ABCA12: variants seen among roughly 807,000 people sequenced by gnomAD.
ABCA12 encodes glucosylceramide transporter ABCA12.
Under a neutral mutation model 293.5 loss-of-function variants are expected in ABCA12, and 156 were observed. That is an observed-to-expected ratio of 0.53 (90% CI 0.47 to 0.61). The LOEUF is 0.61. Ranked by LOEUF, ABCA12 falls within the 20% of genes least tolerant of loss-of-function variation. The probability of loss-of-function intolerance (pLI) is 0.00; values close to 1 mark genes in which losing one functional copy is unlikely to be tolerated. For missense variants in ABCA12, 2,797 were observed against 3,090.2 expected (o/e 0.91, Z 2.25); for synonymous variants, 1,063 against 1,108.0 (o/e 0.96, Z 0.81).
chr2:214,944,471 G>T (rs1698512846), intron 49 of ABCA12, among the ~76,000 whole-genome samples: 1 of 151,684 alleles, frequency 6.6e-6, no homozygotes, highest in Admixed American at 6.6e-5. Flanking sequence ...CCAAAGAAGG[G>T]GCTTGGAGAT....
intron 2 of ABCA12, among the ~76,000 whole-genome samples, chr2:215,109,016 G>A (rs907211812): frequency 1.3e-4 from 20 of 151,520 alleles, no homozygotes; most frequent in Admixed American, 9.2e-4. Context: ...GCAGCGAGCC[G>A]AGATCGCACC....
rs976863339 is a variant in ABCA12 at position 215,021,922 on chromosome 2, A to C, written c.1288-2126T>G. The stretch of plus-strand genomic sequence containing the variant: ...GTTTATATGTACAAAAATTCTACTT[A>C]CTAGTGTTATTGCTATGAGAGATTT... On this transcript the variant is annotated intron_variant, in intron 11 of 52. Transcript: ENST00000272895. 3 of 152,154 alleles carry C rather than the reference A, an allele frequency of 2.0e-5. No individual in the cohort carries two copies. The East Asian group carries it at 5.8e-4, about 29-fold the overall frequency. 9.4% of individuals were successfully genotyped at this position (152,154 alleles called of 1,614,324 possible).
At chr2:215,059,524 T>C (rs904786724) in intron 3 of ABCA12, among the ~76,000 whole-genome samples, 1 of 152,042 alleles carries the variant, frequency 6.6e-6, no homozygotes, top group Admixed American at 6.6e-5. Context: ...AACATTAAGA[T>C]TTAGAAATGA....
rs1163927975 is a variant in ABCA12 at position 214,958,474 on chromosome 2, G to A, written c.5940-20C>T. 1.9e-6 allele frequency: 3 copies of A among 1,612,834 alleles called. No homozygotes were observed. The highest frequency in any genetic ancestry group is 2.2e-5 in the South Asian group (2 of 91,030). On this transcript the variant is annotated intron_variant, in intron 40 of 52. Coordinates refer to ENST00000272895, the MANE Select transcript of ABCA12 (RefSeq NM_173076.3). ...CTGATTCTAGAGTGAGCAATAGGGA[G>A]AGGAAAACACACATAAGTTTTTGAA... is the stretch of plus-strand genomic sequence containing the variant.
At chr2:214,932,778 G>A (rs112144749) in intron 52 of ABCA12, 37 bp from the exon 53 acceptor site, 3 of 1,437,168 alleles carry the variant, frequency 2.1e-6, no homozygotes, top group South Asian at 1.1e-5. Flanking sequence ...TTAATGCCTG[G>A]TAAGCCAAAG....
At chr2:214,944,415 A>C (rs80207521) in intron 49 of ABCA12, among the ~76,000 whole-genome samples, 1 of 131,132 alleles carries the variant, frequency 7.6e-6, no homozygotes, top group South Asian at 2.7e-4. Context: ...CTGTCTAAAT[A>C]AAAAAAATTA....
rs759274653 is a variant in ABCA12, at chr2:214,978,507, G to A, written c.4978-41C>T. On this transcript the variant is annotated intron_variant, in intron 32 of 52. Coordinates refer to ENST00000272895, the MANE Select transcript of ABCA12 (RefSeq NM_173076.3). ...AGATCACTTCATTAACATGAAAAGT[G>A]CATGTCTTTTCTCATTTCTAAGCTT... 10 of 1,598,696 alleles carry A rather than the reference G, an allele frequency of 6.3e-6. No homozygotes were observed. The African/African-American group carries it at 1.2e-4, about 19-fold the overall frequency.
intron 1 of ABCA12, among the ~76,000 whole-genome samples, chr2:215,134,376 A>G (rs1230148691): frequency 2.2e-5 from 3 of 136,634 alleles, no homozygotes; most frequent in East Asian, 2.0e-4. Context: ...GTATATATGT[A>G]TATATGTACA....
At chr2:215,117,824 A>G (rs1308843090) in intron 1 of ABCA12, among the ~76,000 whole-genome samples, 1 of 152,232 alleles carries the variant, frequency 6.6e-6, no homozygotes, top group Non-Finnish European at 1.5e-5. Flanking sequence ...TAATTACTAC[A>G]TCTTATTATC....
chr2:215,026,979 A>T (rs1276770938), intron 9 of ABCA12, 41 bp from the exon 10 acceptor site: 1 of 1,384,054 alleles, frequency 7.2e-7, no homozygotes, highest in Admixed American at 1.7e-5. Flanking sequence ...AGACATATAA[A>T]AGTAAAGCAA....
At chr2:215,091,798 C>A (rs886171993) in intron 2 of ABCA12, among the ~76,000 whole-genome samples, 1 of 152,240 alleles carries the variant, frequency 6.6e-6, no homozygotes, top group East Asian at 1.9e-4. Context: ...CACACAAGAA[C>A]TTCAAAATGC....
intron 19 of ABCA12, among the ~76,000 whole-genome samples, chr2:215,005,815 C>T (rs891348783): frequency 6.6e-6 from 1 of 152,272 alleles, no homozygotes; most frequent in Non-Finnish European, 1.5e-5. Context: ...AGCAAAATTG[C>T]GTTTGTATCA....
intron 23 of ABCA12, among the ~76,000 whole-genome samples, chr2:214,991,884 G>A (rs753985836): frequency 1.9e-4 from 29 of 152,212 alleles, no homozygotes; most frequent in Admixed American, 3.9e-4. Flanking sequence ...GGCCTGTCGG[G>A]GGATGGAGGG....
chr2:215,138,539 C>G lies in ABCA12; in HGVS notation c.-331G>C. Reference sequence around the variant, plus strand: ...TCCAGACTCAAGAGAGAATGAGCATCATTCAGATAATGCCTCACTGAAAAA... The same window carrying G: ...TCCAGACTCAAGAGAGAATGAGCATGATTCAGATAATGCCTCACTGAAAAA... On this transcript the variant is annotated 5_prime_UTR_variant, in exon 1 of 53. The change abolishes an upstream ATG in the 5' untranslated region. Coordinates refer to ENST00000272895, the MANE Select transcript of ABCA12 (RefSeq NM_173076.3). 1 of 325,086 alleles carries G rather than the reference C, an allele frequency of 3.1e-6. No individual in the cohort carries two copies. The highest frequency in any genetic ancestry group is 5.9e-6 in the Non-Finnish European group (1 of 168,436). The allele number at this position is 325,086 out of a possible 1,614,324, so 20.1% of individuals were successfully genotyped here.
intron 5 of ABCA12, among the ~76,000 whole-genome samples, chr2:215,050,993 C>T (rs1200012220): frequency 1.3e-5 from 2 of 152,100 alleles, no homozygotes; most frequent in Non-Finnish European, 2.9e-5. Context: ...GGATATATAG[C>T]TCTGTGCTGC....
In ABCA12 at chr2:214,974,665, A is replaced by C. The variant is rs138764554; in HGVS notation, c.5468+113T>G. On this transcript the variant is annotated intron_variant, in intron 35 of 52. Transcript: ENST00000272895. Reference sequence around the variant, plus strand: ...CAAAATCTGTTAAACAGGGATTTCTATCAGGGTACAGCTTTCTTCCAGGCA... The same window carrying C: ...CAAAATCTGTTAAACAGGGATTTCTCTCAGGGTACAGCTTTCTTCCAGGCA... 640 of 1,002,550 alleles carry C rather than the reference A, an allele frequency of 6.4e-4. 5 individuals carry two copies. In the East Asian group the frequency reaches 0.014, roughly 22 times the overall value. 62.1% of individuals were successfully genotyped at this position (1,002,550 alleles called of 1,614,324 possible). A position where few individuals can be genotyped will look rare whatever the true frequency, so the allele number is the denominator to read the frequency against.
chr2:215,001,617 GT>G lies in ABCA12; in HGVS notation c.2803del (p.Thr935ProfsTer2), dbSNP rs779953672. 2 of 1,613,662 alleles carry G rather than the reference GT, an allele frequency of 1.2e-6. No homozygotes were observed. The highest frequency in any genetic ancestry group is 1.7e-6 in the Non-Finnish European group (2 of 1,179,822). Reference protein sequence around the residue: ...VLYDRIQAAKTIDEMEREAKR... With the variant: ...VLYDRIQAAKXIDEMEREAKR... ...AGCCTCTCTCTCCATTTCATCTATG[GT>G]TTTTGCTGCCTGAATACGGTCATAT... On this transcript the variant is annotated frameshift_variant, in exon 21 of 53. Transcript: ENST00000272895. LOFTEE classifies it high-confidence loss of function.
At chr2:214,949,013 C>T in intron 46 of ABCA12, 27 bp downstream of exon 46, 1 of 1,554,558 alleles carries the variant, frequency 6.4e-7, no homozygotes, top group South Asian at 1.1e-5. Context: ...GTTGTACTCG[C>T]TAAATTGAAG....
At chr2:215,044,292 A>G (rs1363435961) in intron 7 of ABCA12, among the ~76,000 whole-genome samples, 3 of 152,140 alleles carry the variant, frequency 2.0e-5, no homozygotes, top group Non-Finnish European at 4.4e-5. Context: ...TGACCGCTTC[A>G]GTTGCTCTAT....
Sources: allele counts gnomAD v4.1 joint callset (sites outside exome capture counted in the v4.1 genomes callset), GRCh38; gene constraint gnomAD v4.1.1; transcripts MANE v1.5; gene names NCBI Gene and HGNC (gene_info 2026-07-23, HGNC 2026-07-21).